CCDC85A: variants seen among roughly 807,000 people sequenced by gnomAD.
CCDC85A encodes the protein coiled-coil domain-containing protein 85A.
CCDC85A carries 38 observed loss-of-function variants against 50.2 expected under a neutral mutation model. The ratio of observed to expected loss-of-function variants is 0.76; its 90% CI spans 0.58 to 0.99. CCDC85A has a LOEUF of 0.99. Ranked by LOEUF, CCDC85A falls within the 50% of genes least tolerant of loss-of-function variation. The pLI is 0.00. For synonymous variants in CCDC85A, 366 were observed against 301.4 expected, an observed-to-expected ratio of 1.21 and a Z score of -2.22; for missense variants, 820 against 742.0, an observed-to-expected ratio of 1.11 and a Z score of -1.22.
rs567295711 is a variant in CCDC85A, at chr2:56,225,425, CA to C, written c.1240+31995del. On this transcript the variant is annotated intron_variant, in intron 2 of 5. Transcript: ENST00000407595. ...TGTGCAATAGAAGGAGAGTGCGTCT[CA>C]AAAAAAAAATTATTAACCATAAATG... Among the ~76,000 whole-genome samples, 343 of 149,130 alleles carry C rather than the reference CA, an allele frequency of 2.3e-3. 2 individuals carry two copies. The highest frequency in any genetic ancestry group is 5.7e-3 in the East Asian group (29 of 5,108).
chr2:56,368,966 T>C (rs547614950), intron 3 of CCDC85A, among the ~76,000 whole-genome samples: 1 of 152,240 alleles, frequency 6.6e-6, no homozygotes, highest in African/African-American at 2.4e-5. Flanking sequence ...ACTTCATTAC[T>C]AATTAAAACA....
rs186093127 is a variant in CCDC85A, at chr2:56,196,475, G to A, written c.1240+3035G>A. On this transcript the variant is annotated intron_variant, in intron 2 of 5. Coordinates refer to ENST00000407595, the MANE Select transcript of CCDC85A (RefSeq NM_001080433.2). ...AGTGACAGCCTCAACTATTGAGAAT[G>A]GGGGTTTCACTTACTTGATTCCATT... Among the ~76,000 whole-genome samples, 484 of 152,296 alleles carry A rather than the reference G, an allele frequency of 3.2e-3. 2 individuals carry two copies. Among genetic ancestry groups the A allele is most frequent in the Non-Finnish European group, 4.7e-3 (318 of 68,026 alleles).
At chr2:56,246,587 G>A (rs1669521332) in intron 2 of CCDC85A, among the ~76,000 whole-genome samples, 1 of 152,062 alleles carries the variant, frequency 6.6e-6, no homozygotes, top group East Asian at 1.9e-4. Context: ...TTTTTTTGTG[G>A]ATATCCAGTT....
chr2:56,305,172 A>G (rs1672387707), intron 2 of CCDC85A, among the ~76,000 whole-genome samples: 1 of 152,118 alleles, frequency 6.6e-6, no homozygotes. Context: ...AATGGTGGTC[A>G]TGATTATATT....
intron 3 of CCDC85A, among the ~76,000 whole-genome samples, chr2:56,355,874 T>A (rs1675199902): frequency 6.6e-6 from 1 of 152,184 alleles, no homozygotes. Flanking sequence ...GGAGTTCTAA[T>A]ATTTGACAGA....
At chr2:56,294,737 G>A (rs1671872969) in intron 2 of CCDC85A, among the ~76,000 whole-genome samples, 1 of 152,196 alleles carries the variant, frequency 6.6e-6, no homozygotes, top group Admixed American at 6.5e-5. Context: ...AAGTGATAAT[G>A]TTTCTGGGTT....
At chr2:56,247,130 A>G (rs1669546598) in intron 2 of CCDC85A, among the ~76,000 whole-genome samples, 1 of 152,210 alleles carries the variant, frequency 6.6e-6, no homozygotes, top group Non-Finnish European at 1.5e-5. Flanking sequence ...CCAGGAACCA[A>G]GACTGTCCTG....
chr2:56,217,855 G>T (rs764694624), intron 2 of CCDC85A, among the ~76,000 whole-genome samples: 2 of 151,656 alleles, frequency 1.3e-5, no homozygotes, highest in Admixed American at 1.3e-4. Context: ...AATGTGATTT[G>T]CCAGCTTTTT....
chr2:56,266,946 G>C (rs1238734574), intron 2 of CCDC85A, among the ~76,000 whole-genome samples: 2 of 152,174 alleles, frequency 1.3e-5, no homozygotes, highest in Admixed American at 6.5e-5. Context: ...GTGAGTAGCT[G>C]CCAGACCCAT....
At chr2:56,382,327 G>A (rs756540466) in intron 5 of CCDC85A, among the ~76,000 whole-genome samples, 4 of 151,834 alleles carry the variant, frequency 2.6e-5, no homozygotes, top group African/African-American at 7.3e-5. Context: ...ATAGAACTTG[G>A]GACCACAGAA....
chr2:56,330,101 A>G (rs1247735237), intron 2 of CCDC85A, among the ~76,000 whole-genome samples: 1 of 151,946 alleles, frequency 6.6e-6, no homozygotes, highest in Non-Finnish European at 1.5e-5. Context: ...ATCCTCTGGC[A>G]TTAGGAAAAG....
At chr2:56,328,900 T>C (rs567102228) in intron 2 of CCDC85A, among the ~76,000 whole-genome samples, 57 of 152,200 alleles carry the variant, frequency 3.7e-4, no homozygotes, top group African/African-American at 1.4e-3. Context: ...CTTGTTTCTT[T>C]TCTCTCTGGG....
chr2:56,272,045 G>A (rs1315900285), intron 2 of CCDC85A, among the ~76,000 whole-genome samples: 1 of 152,174 alleles, frequency 6.6e-6, no homozygotes. Flanking sequence ...AGCTCTGATT[G>A]TGAGACTAAG....
At chr2:56,199,367 G>C (rs541625408) in intron 2 of CCDC85A, among the ~76,000 whole-genome samples, 8 of 152,276 alleles carry the variant, frequency 5.3e-5, no homozygotes, top group Non-Finnish European at 1.2e-4. Context: ...TCAGAAATAA[G>C]AGTGTAAAGT....
chr2:56,272,739 T>C (rs993149051), intron 2 of CCDC85A, among the ~76,000 whole-genome samples: 1 of 152,178 alleles, frequency 6.6e-6, no homozygotes, highest in Non-Finnish European at 1.5e-5. Context: ...TCCAAATCCT[T>C]ACATATGAGA....
intron 2 of CCDC85A, among the ~76,000 whole-genome samples, chr2:56,255,188 C>T (rs368446834): frequency 6.6e-5 from 10 of 152,128 alleles, no homozygotes; most frequent in Admixed American, 1.3e-4. Flanking sequence ...CCCCACTTCA[C>T]GGCAAGGAAC....
intron 2 of CCDC85A, among the ~76,000 whole-genome samples, chr2:56,245,086 AG>A (rs1573090981): frequency 6.6e-6 from 1 of 152,310 alleles, no homozygotes; most frequent in African/African-American, 2.4e-5. Flanking sequence ...GTGTCTCACT[AG>A]GTCATGTGCC....
At chr2:56,189,432 C>G (rs965647683) in intron 1 of CCDC85A, among the ~76,000 whole-genome samples, 5 of 151,676 alleles carry the variant, frequency 3.3e-5, no homozygotes, top group Non-Finnish European at 7.4e-5. Flanking sequence ...CCTGGGATTA[C>G]AGGCACGTGT....
At chr2:56,220,636 T>A (rs978124442) in intron 2 of CCDC85A, among the ~76,000 whole-genome samples, 2 of 152,034 alleles carry the variant, frequency 1.3e-5, no homozygotes, top group African/African-American at 4.8e-5. Flanking sequence ...GGAAGCTTTG[T>A]ACTTCATTAT....
Sources: gnomAD v4.1 joint callset for allele counts (sites outside exome capture counted in the v4.1 genomes callset) on GRCh38, gnomAD v4.1.1 for gene constraint, MANE v1.5 for transcripts, NCBI Gene and HGNC (gene_info 2026-07-23, HGNC 2026-07-21) for gene names.